AAAS: variants seen among roughly 807,000 people sequenced by gnomAD.
AAAS encodes the protein aladin WD repeat nucleoporin.
AAAS carries 60 observed loss-of-function variants against 75.6 expected under a neutral mutation model. That is an observed-to-expected ratio of 0.79 (90% CI 0.64 to 0.98). The LOEUF is 0.98. Among genes scored for constraint, AAAS ranks in the 50% least tolerant of loss-of-function variants. The pLI is 0.00. For synonymous variants in AAAS, 271 were observed against 265.0 expected, an observed-to-expected ratio of 1.02 and a Z score of -0.22; for missense variants, 658 against 686.9, an observed-to-expected ratio of 0.96 and a Z score of 0.47.
At chr12:53,311,221 C>G (rs900555441) in intron 7 of AAAS, among the ~76,000 whole-genome samples, 1 of 152,086 alleles carries the variant, frequency 6.6e-6, no homozygotes, top group Non-Finnish European at 1.5e-5. Context: ...TGGAATTACA[C>G]GCATGAGCCA....
chr12:53,311,248 T>C (rs1944385134), intron 7 of AAAS, among the ~76,000 whole-genome samples: 1 of 152,190 alleles, frequency 6.6e-6, no homozygotes, highest in African/African-American at 2.4e-5. Flanking sequence ...CTGGCCTTGT[T>C]TTTTGTTCAT....
intron 10 of AAAS, 56 bp downstream of exon 10, chr12:53,308,904 G>T: frequency 6.2e-7 from 1 of 1,613,424 alleles, no homozygotes; most frequent in Non-Finnish European, 8.5e-7. Context: ...GGGAGCATCA[G>T]GGGCCCATTG....
chr12:53,314,706 G>A, intron 6 of AAAS, 45 bp downstream of exon 6: 1 of 1,578,454 alleles, frequency 6.3e-7, no homozygotes, highest in South Asian at 1.1e-5. Context: ...GGCAAGGGAA[G>A]GTGATATTGA....
intron 2 of AAAS, among the ~76,000 whole-genome samples, chr12:53,316,504 C>G (rs1944463906): frequency 6.7e-6 from 1 of 149,484 alleles, no homozygotes; most frequent in Non-Finnish European, 1.5e-5. Flanking sequence ...CGCGGTGGCT[C>G]ACACCTGTAA....
At chr12:53,316,685 C>T (rs866497790) in intron 2 of AAAS, among the ~76,000 whole-genome samples, 4 of 141,846 alleles carry the variant, frequency 2.8e-5, no homozygotes, top group South Asian at 2.3e-4. Context: ...CGCCTGAACC[C>T]GGGAGGTGGC....
chr12:53,318,223 A>AGTGTGTGTGTGTGTGT lies in AAAS; in HGVS notation c.251+2326_251+2341dup, dbSNP rs71443291. Among the ~76,000 whole-genome samples, 31 of 136,992 alleles carry AGTGTGTGTGTGTGTGT rather than the reference A, an allele frequency of 2.3e-4. No homozygotes were observed. The East Asian group carries it at 3.5e-3, about 16-fold the overall frequency. 89.9% of individuals were successfully genotyped at this position (136,992 alleles called of 152,430 possible). ...AAATTTTTTGTAGAGATGGGGTTTCAGTGTGTGTGTGTGTGTGTGTGCGTG... is the reference window on the plus strand; with the variant it reads ...AAATTTTTTGTAGAGATGGGGTTTCAGTGTGTGTGTGTGTGTGTGTGTGTGTGTGTGTGTGTGCGTG... On this transcript the variant is annotated intron_variant, in intron 2 of 15. Coordinates refer to ENST00000209873, the MANE Select transcript of AAAS (RefSeq NM_015665.6).
Position 53,315,054 on chromosome 12 carries a change from G to C in AAAS, c.446+40C>G. The C allele has an allele frequency of 2.5e-6, 4 of 1,611,574 alleles. No individual in the cohort carries two copies. In the South Asian group the frequency reaches 4.4e-5, roughly 18 times the overall value. On this transcript the variant is annotated intron_variant, in intron 5 of 15. Transcript: ENST00000209873. ...TCCCCAAAGGGAGTTTTGAGGTTCA[G>C]GACTTCCTTTCCACAAAGCTCCAGG...
intron 2 of AAAS, among the ~76,000 whole-genome samples, chr12:53,316,764 C>CAAAAAAAAAAAAAAAA (rs34520642): frequency 1.3e-5 from 1 of 77,200 alleles, no homozygotes; most frequent in African/African-American, 6.0e-5. Context: ...CCATCTCAGA[C>CAAAAAAAAAAAAAAAA]AAAAAAAAAA....
intron 11 of AAAS, 89 bp from the exon 12 acceptor site, chr12:53,308,617 A>G (rs1488614891): frequency 6.3e-7 from 1 of 1,598,968 alleles, no homozygotes; most frequent in Non-Finnish European, 8.6e-7. Context: ...CAACACCTCG[A>G]AATCTCCTAA....
chr12:53,310,286 G>A (rs746909214), intron 7 of AAAS, among the ~76,000 whole-genome samples: 6 of 152,336 alleles, frequency 3.9e-5, no homozygotes, highest in Non-Finnish European at 8.8e-5. Flanking sequence ...CAGGCTGGGC[G>A]CAGTGGCTCA....
rs759286471 is a variant in AAAS at position 53,308,541 on chromosome 12, A to C, written c.1088-13T>G. On this transcript the variant is annotated splice_polypyrimidine_tract_variant and intron_variant, in intron 11 of 15. Coordinates refer to ENST00000209873, the MANE Select transcript of AAAS (RefSeq NM_015665.6). ...CCCTTTCCCTCACCTGTGGACAAAT[A>C]AGAGCAGAGAGGTTCTTGCAAGAAA... 6.2e-7 allele frequency: 1 copy of C among 1,614,094 alleles called. No individual in the cohort carries two copies. The highest frequency in any genetic ancestry group is 2.2e-5 in the East Asian group (1 of 44,890).
Position 53,309,210 on chromosome 12 carries a change from G to T in AAAS, c.882C>A (p.Leu294=). The T allele has an allele frequency of 6.2e-7, 1 of 1,614,154 alleles. No homozygotes were observed. The highest frequency in any genetic ancestry group is 8.5e-7 in the Non-Finnish European group (1 of 1,180,024). Residue 294 remains leucine (L), a synonymous_variant, in exon 9 of 16, where the codon CTC becomes CTA. Transcript: ENST00000209873. The part of the protein sequence containing the change: ...WFRGGGVTNL[L]WSPDGSKILA... ...GGATTTTGCTGCCGTCTGGGGACCA[G>T]AGCAGGTTGGTCACCCCACCTCCTC...
chr12:53,315,055 G>T, intron 5 of AAAS, 39 bp downstream of exon 5: 1 of 1,611,248 alleles, frequency 6.2e-7, no homozygotes, highest in Non-Finnish European at 8.5e-7. Flanking sequence ...TGAGGTTCAG[G>T]ACTTCCTTTC....
intron 6 of AAAS, 119 bp from the exon 7 acceptor site, chr12:53,314,560 C>T: frequency 6.9e-7 from 1 of 1,454,612 alleles, no homozygotes; most frequent in South Asian, 1.2e-5. Context: ...GGGCCAGGGG[C>T]ACCATAGGAC....
At chr12:53,320,538 C>T in intron 2 of AAAS, 27 bp downstream of exon 2, 1 of 1,613,006 alleles carries the variant, frequency 6.2e-7, no homozygotes, top group Non-Finnish European at 8.5e-7. Context: ...CAGACTGTGA[C>T]CCAGGAAACC....
chr12:53,315,642 A>C, intron 3 of AAAS, 85 bp downstream of exon 3: 1 of 1,514,994 alleles, frequency 6.6e-7, no homozygotes, highest in Non-Finnish European at 9.1e-7. Context: ...AAAGAGGCTG[A>C]GCCAACAGGT....
Position 53,307,629 on chromosome 12 carries a change from C to A in AAAS, c.1501G>T (p.Ala501Ser). ...FPRFSPVLGRAQEPPAGGGGS... is the reference protein window; with the variant it reads ...FPRFSPVLGRSQEPPAGGGGS... Reference sequence around the variant, plus strand: ...CCACCCCCAGCAGGGGGTTCCTGGGCCCGCCCAAGCACTGGGCTAAAACGT... The same window carrying A: ...CCACCCCCAGCAGGGGGTTCCTGGGACCGCCCAAGCACTGGGCTAAAACGT... The change falls in exon 16 of 16, where the codon GCC (alanine) becomes TCC (serine). Residue 501 changes from alanine to serine, a missense_variant. Ala to Ser is a moderately conservative substitution (Grantham distance 99). Coordinates refer to ENST00000209873, the MANE Select transcript of AAAS (RefSeq NM_015665.6). 1 of 1,614,190 alleles carries A rather than the reference C, an allele frequency of 6.2e-7. No individual in the cohort carries two copies. Among genetic ancestry groups the A allele is most frequent in the Non-Finnish European group, 8.5e-7 (1 of 1,180,042 alleles).
intron 8 of AAAS, 46 bp from the exon 9 acceptor site, chr12:53,309,327 C>G (rs189123555): frequency 1.9e-6 from 3 of 1,611,156 alleles, no homozygotes; most frequent in East Asian, 2.2e-5. Flanking sequence ...AGCACCCCAT[C>G]ATCTCACAGT....
chr12:53,307,641 C>G lies in AAAS; in HGVS notation c.1489G>C (p.Val497Leu). The G allele has an allele frequency of 1.2e-6, 2 of 1,614,212 alleles. No individual in the cohort carries two copies. The highest frequency in any genetic ancestry group is 1.7e-6 in the Non-Finnish European group (2 of 1,180,044). Residue 497 changes from valine to leucine, a missense_variant, in exon 16 of 16, where the codon GTG becomes CTG. By Grantham distance (32) the Val-to-Leu change is conservative. Transcript: ENST00000209873. ...GGGGGTTCCTGGGCCCGCCCAAGCA[C>G]TGGGCTAAAACGTGGAAACTGGGCA... ...VNAQFPRFSP[V>L]LGRAQEPPAG...
Sources: allele counts gnomAD v4.1 joint callset (sites outside exome capture counted in the v4.1 genomes callset), GRCh38; gene constraint gnomAD v4.1.1; transcripts MANE v1.5; gene names NCBI Gene and HGNC (gene_info 2026-07-23, HGNC 2026-07-21).